The following ACOT13 variants were observed in gnomAD, a reference collection of about 807,000 sequenced individuals.
The protein encoded by ACOT13 is acyl-CoA thioesterase 13, also known as acyl-coenzyme A thioesterase 13.
A neutral mutation model predicts 11.8 loss-of-function variants in ACOT13; 10 were observed. That is an observed-to-expected ratio of 0.85 (90% CI 0.53 to 1.44). The LOEUF is 1.44. Ranked by LOEUF, ACOT13 falls within the 40% of genes most tolerant of loss-of-function variation. The probability of loss-of-function intolerance (pLI) is 0.00; values close to 1 mark genes in which losing one functional copy is unlikely to be tolerated. For synonymous variants in ACOT13, 53 were observed against 61.0 expected (o/e 0.87, Z 0.61); for missense variants, 172 against 174.1 (o/e 0.99, Z 0.07).
In ACOT13 at chr6:24,701,704, C is replaced by T. The variant is rs1165430363; in HGVS notation, c.*89C>T. On this transcript the variant is annotated 3_prime_UTR_variant, in exon 3 of 3. Coordinates refer to ENST00000230048, the MANE Select transcript of ACOT13 (RefSeq NM_018473.4). ...AATTGTAATTTTTGAAATAAACTAGCAAAACCAGAAGCAGCTAGAAATATT... is the reference window on the plus strand; with the variant it reads ...AATTGTAATTTTTGAAATAAACTAGTAAAACCAGAAGCAGCTAGAAATATT... The T allele has an allele frequency of 5.2e-6, 7 of 1,335,192 alleles. No individual in the cohort carries two copies. The highest frequency in any genetic ancestry group is 6.0e-6 in the Non-Finnish European group (6 of 992,970). The allele number at this position is 1,335,192 out of a possible 1,614,324, so 82.7% of individuals were successfully genotyped here. A position where few individuals can be genotyped will look rare whatever the true frequency, so the allele number is the denominator to read the frequency against.
At chr6:24,700,981 G>A (rs1430641899) in intron 2 of ACOT13, 2 of 151,968 alleles carry the variant, frequency 1.3e-5, no homozygotes, top group Admixed American at 6.6e-5. Context: ...TGACTAGGAT[G>A]TACATCTCTT....
intron 1 of ACOT13, among the ~76,000 whole-genome samples, chr6:24,679,998 T>C (rs1778520857): frequency 6.6e-6 from 1 of 152,212 alleles, no homozygotes; most frequent in Non-Finnish European, 1.5e-5. Flanking sequence ...GTTTGGTTCA[T>C]TGTTTATCCC....
intron 1 of ACOT13, among the ~76,000 whole-genome samples, chr6:24,677,684 T>G (rs1166047822): frequency 6.6e-6 from 1 of 152,262 alleles, no homozygotes; most frequent in Non-Finnish European, 1.5e-5. Context: ...AAGCCACTTC[T>G]GCTTCAGGTG....
At chr6:24,668,250 G>C (rs1006618595) in intron 1 of ACOT13, among the ~76,000 whole-genome samples, 2 of 149,798 alleles carry the variant, frequency 1.3e-5, no homozygotes, top group Admixed American at 1.3e-4. Context: ...ATGGAGTCTT[G>C]CTCTGTTGCC....
chr6:24,693,189 A>G (rs1462264489), intron 1 of ACOT13, among the ~76,000 whole-genome samples: 1 of 152,178 alleles, frequency 6.6e-6, no homozygotes, highest in Non-Finnish European at 1.5e-5. Flanking sequence ...AAATATACAC[A>G]TACAAAATTG....
At chr6:24,688,961 G>A (rs1256198097) in intron 1 of ACOT13, among the ~76,000 whole-genome samples, 2 of 152,140 alleles carry the variant, frequency 1.3e-5, no homozygotes. Flanking sequence ...ACAGAAAAAA[G>A]GCAATAAACA....
chr6:24,681,486 T>C (rs534361143), intron 1 of ACOT13, among the ~76,000 whole-genome samples: 25 of 127,632 alleles, frequency 2.0e-4, no homozygotes, highest in African/African-American at 8.0e-4. Context: ...TTTAAAGGAA[T>C]AGGGCACACT....
At chr6:24,671,890 C>A (rs1348838100) in intron 1 of ACOT13, among the ~76,000 whole-genome samples, 1 of 152,252 alleles carries the variant, frequency 6.6e-6, no homozygotes, top group African/African-American at 2.4e-5. Flanking sequence ...ACAGGAATTT[C>A]CCATAATTTT....
At chr6:24,671,123 A>G (rs931524994) in intron 1 of ACOT13, among the ~76,000 whole-genome samples, 6 of 152,226 alleles carry the variant, frequency 3.9e-5, no homozygotes, top group African/African-American at 1.4e-4. Flanking sequence ...TATATACCCA[A>G]AGGATTATAA....
chr6:24,674,724 CAA>C (rs1300206034), intron 1 of ACOT13, among the ~76,000 whole-genome samples: 6 of 151,862 alleles, frequency 4.0e-5, no homozygotes, highest in Admixed American at 3.9e-4. Flanking sequence ...CCCTAGAGTT[CAA>C]CTGTTTTTTT....
intron 1 of ACOT13, among the ~76,000 whole-genome samples, chr6:24,668,732 C>T (rs1379261114): frequency 2.0e-5 from 3 of 152,188 alleles, no homozygotes; most frequent in Admixed American, 2.0e-4. Context: ...CAAACGAAGA[C>T]GTGGCGTGCA....
intron 1 of ACOT13, among the ~76,000 whole-genome samples, chr6:24,667,903 T>C (rs1323323731): frequency 1.3e-5 from 2 of 151,020 alleles, no homozygotes; most frequent in East Asian, 3.9e-4. Context: ...CGAAGGTGTT[T>C]GTTTGTTTTT....
chr6:24,676,795 G>A (rs1778461758), intron 1 of ACOT13, among the ~76,000 whole-genome samples: 2 of 152,130 alleles, frequency 1.3e-5, no homozygotes, highest in Non-Finnish European at 2.9e-5. Flanking sequence ...CCTTTCTGGT[G>A]ACTCTGGCAG....
At chr6:24,699,490 G>A (rs914997571) in intron 2 of ACOT13, among the ~76,000 whole-genome samples, 4 of 152,182 alleles carry the variant, frequency 2.6e-5, no homozygotes, top group African/African-American at 4.8e-5. Context: ...GATTACAGGC[G>A]TGAGCCACCG....
chr6:24,697,303 A>C (rs971129271), intron 1 of ACOT13, among the ~76,000 whole-genome samples: 6 of 152,228 alleles, frequency 3.9e-5, no homozygotes, highest in Non-Finnish European at 8.8e-5. Context: ...CTGTTCATTA[A>C]GTGACTTAAA....
Position 24,697,926 on chromosome 6 carries a change from T to C in ACOT13, c.125T>C (p.Met42Thr). 1 of 1,612,772 alleles carries C rather than the reference T, an allele frequency of 6.2e-7. No homozygotes were observed. The change falls in exon 2 of 3, where the codon ATG becomes ACG. Residue 42 changes from methionine (M) to threonine (T), a missense_variant. Physicochemically the swap from Met to Thr is moderately conservative, Grantham distance 81. Transcript: ENST00000230048. ...GCTCCTGGGAAAGTGATTTGTGAAATGAAAGTAGAAGAAGAGCATACCAAT... is the reference window on the plus strand; with the variant it reads ...GCTCCTGGGAAAGTGATTTGTGAAACGAAAGTAGAAGAAGAGCATACCAAT... The part of the protein sequence containing the change: ...SAAPGKVICE[M>T]KVEEEHTNAI...
Position 24,667,254 on chromosome 6 carries a change from A to G in ACOT13, c.-10A>G. On this transcript the variant is annotated 5_prime_UTR_variant, in exon 1 of 3. Transcript: ENST00000230048. ...TTGCGCAAAGCCCAAAGGCTGGAAA[A>G]CCGTCCACGATGACCAGCATGACTC... 1 of 1,613,930 alleles carries G rather than the reference A, an allele frequency of 6.2e-7. No individual in the cohort carries two copies. The highest frequency in any genetic ancestry group is 8.5e-7 in the Non-Finnish European group (1 of 1,179,932).
At chr6:24,676,814 TG>T (rs1778462217) in intron 1 of ACOT13, among the ~76,000 whole-genome samples, 1 of 152,216 alleles carries the variant, frequency 6.6e-6, no homozygotes, top group South Asian at 2.1e-4. Context: ...AGTGTAAGAC[TG>T]CCACCTCTTT....
intron 1 of ACOT13, among the ~76,000 whole-genome samples, chr6:24,675,609 C>T (rs1301844420): frequency 6.6e-6 from 1 of 152,092 alleles, no homozygotes; most frequent in East Asian, 1.9e-4. Flanking sequence ...TGTTTAAGTT[C>T]TTTGTAGATT....
Sources: allele counts gnomAD v4.1 joint callset (sites outside exome capture counted in the v4.1 genomes callset), GRCh38; gene constraint gnomAD v4.1.1; transcripts MANE v1.5; gene names NCBI Gene and HGNC (gene_info 2026-07-23, HGNC 2026-07-21).